Variants in BEND6 observed in about 807,000 individuals in gnomAD.
BEND6 encodes the protein BEN domain-containing protein 6.
Under a neutral mutation model 31.8 loss-of-function variants are expected in BEND6, and 24 were observed. The ratio of observed to expected loss-of-function variants is 0.75; its 90% CI spans 0.55 to 1.06. BEND6 has a LOEUF of 1.06. Ranked by LOEUF, BEND6 falls within the 50% of genes least tolerant of loss-of-function variation. The pLI is 0.00. For synonymous variants in BEND6, 109 were observed against 114.6 expected (o/e 0.95, Z 0.31); for missense variants, 294 against 327.4 (o/e 0.90, Z 0.79).
intron 2 of BEND6, among the ~76,000 whole-genome samples, chr6:56,990,297 CTGTG>C (rs34251486): frequency 0.2 from 28,231 of 142,812 alleles, 2,963 homozygotes; most frequent in Middle Eastern, 0.23. Context: ...GTCTTCCAGG[CTGTG>C]TGTGATGTGA....
rs920278278 is a variant in BEND6, at chr6:57,026,175, C to T, written c.*103C>T. ...GCAGCCTTCCTGGCAGTGAGAAAGA[C>T]AGACATGTGCAGTGACAGGCTGTAA... On this transcript the variant is annotated 3_prime_UTR_variant, in exon 7 of 7. Transcript: ENST00000370746. The T allele has an allele frequency of 6.6e-6, 1 of 152,140 alleles. No individual in the cohort carries two copies. Among genetic ancestry groups the T allele is most frequent in the African/African-American group, 2.4e-5 (1 of 41,410 alleles). 9.4% of individuals were successfully genotyped at this position (152,140 alleles called of 1,614,324 possible). A position where few individuals can be genotyped will look rare whatever the true frequency, so the allele number is the denominator to read the frequency against.
chr6:57,016,434 A>G (rs1162003297), intron 4 of BEND6, among the ~76,000 whole-genome samples: 2 of 152,168 alleles, frequency 1.3e-5, no homozygotes, highest in Non-Finnish European at 2.9e-5. Context: ...TAGCAGGTGC[A>G]TTTCTTTCTG....
chr6:56,979,466 C>T (rs1825995960), intron 1 of BEND6, among the ~76,000 whole-genome samples: 1 of 152,038 alleles, frequency 6.6e-6, no homozygotes, highest in African/African-American at 2.4e-5. Context: ...AAAATTGTAA[C>T]TTCATGGATT....
At chr6:57,011,822 G>C (rs1430087035) in intron 3 of BEND6, among the ~76,000 whole-genome samples, 1 of 151,478 alleles carries the variant, frequency 6.6e-6, no homozygotes, top group Non-Finnish European at 1.5e-5. Context: ...AGTGAGAAAA[G>C]GAGCATTTAA....
intron 6 of BEND6, among the ~76,000 whole-genome samples, chr6:57,023,645 T>A (rs752679082): frequency 2.0e-5 from 3 of 152,224 alleles, no homozygotes; most frequent in Non-Finnish European, 4.4e-5. Flanking sequence ...AGGCAAGGTC[T>A]TACTCTTGTC....
At chr6:57,005,073 A>G (rs957546187) in intron 3 of BEND6, among the ~76,000 whole-genome samples, 3 of 152,230 alleles carry the variant, frequency 2.0e-5, no homozygotes, top group Non-Finnish European at 2.9e-5. Context: ...GGAGGCCTGT[A>G]GGATAGGTAA....
In BEND6 at chr6:57,018,398, G is replaced by T. The variant is rs146779382; in HGVS notation, c.713-23G>T. Reference sequence around the variant, plus strand: ...GCAAAGCACTCATGAAGTTTCTCATGTGTCGCTATTGGTTTTTTACAGGAG... The same window carrying T: ...GCAAAGCACTCATGAAGTTTCTCATTTGTCGCTATTGGTTTTTTACAGGAG... On this transcript the variant is annotated intron_variant, in intron 5 of 6. Transcript: ENST00000370746. The T allele has an allele frequency of 4.4e-6, 7 of 1,574,728 alleles. No individual in the cohort carries two copies. The South Asian group carries it at 8.5e-5, about 19-fold the overall frequency.
Position 56,998,406 on chromosome 6 carries a change from T to C in BEND6, c.298+5851T>C, listed in dbSNP as rs570719205. ...GTGTGTGTGCTATGTGTGTGTGTGTTAAGTATTTAATACATATCTTGTGCA... is the reference window on the plus strand; with the variant it reads ...GTGTGTGTGCTATGTGTGTGTGTGTCAAGTATTTAATACATATCTTGTGCA... On this transcript the variant is annotated intron_variant, in intron 3 of 6. Coordinates refer to ENST00000370746, the MANE Select transcript of BEND6 (RefSeq NM_152731.3). Among the ~76,000 whole-genome samples, 9 of 152,220 alleles carry C rather than the reference T, an allele frequency of 5.9e-5. No individual in the cohort carries two copies. The South Asian group carries it at 1.5e-3, about 25-fold the overall frequency.
intron 1 of BEND6, among the ~76,000 whole-genome samples, chr6:56,976,344 C>T (rs1340502644): frequency 4.0e-5 from 6 of 151,316 alleles, no homozygotes; most frequent in South Asian, 2.1e-4. Flanking sequence ...TACAGGCGCC[C>T]GCCACCATGC....
rs1827641437 is a variant in BEND6, at chr6:57,018,561, A to G, written c.*9+4A>G. The stretch of plus-strand genomic sequence containing the variant: ...GGATATTAAATAGATCCTTTTGGTA[A>G]GTCTTTTAAATCTTCAGTCCTTTCA... On this transcript the variant is annotated splice_donor_region_variant and intron_variant, in intron 6 of 6. Transcript: ENST00000370746. 1.3e-6 allele frequency: 2 copies of G among 1,508,170 alleles called. No homozygotes were observed. The highest frequency in any genetic ancestry group is 1.4e-5 in the African/African-American group (1 of 69,244). 93.4% of individuals were successfully genotyped at this position (1,508,170 alleles called of 1,614,324 possible).
At position 57,026,408 on chromosome 6, in the gene BEND6, C is replaced by T. The variant is rs960627693; in HGVS notation, c.*336C>T. On this transcript the variant is annotated 3_prime_UTR_variant, in exon 7 of 7. Transcript: ENST00000370746. Reference sequence around the variant, plus strand: ...AGTTAATCTAACAGGATAGTCAGAGCTCTTATCATAGCAGCCAAAACTTCA... The same window carrying T: ...AGTTAATCTAACAGGATAGTCAGAGTTCTTATCATAGCAGCCAAAACTTCA... The T allele has an allele frequency of 1.3e-5, 2 of 152,212 alleles. No individual in the cohort carries two copies. Among genetic ancestry groups the T allele is most frequent in the African/African-American group, 4.8e-5 (2 of 41,456 alleles). The allele number at this position is 152,212 out of a possible 1,614,324, so 9.4% of individuals were successfully genotyped here. A position where few individuals can be genotyped will look rare whatever the true frequency, so the allele number is the denominator to read the frequency against.
intron 1 of BEND6, among the ~76,000 whole-genome samples, chr6:56,979,649 G>A (rs1485869404): frequency 6.6e-6 from 1 of 152,146 alleles, no homozygotes; most frequent in Non-Finnish European, 1.5e-5. Flanking sequence ...CTTTTCATTA[G>A]TAAATTTGGC....
chr6:56,963,541 G>A (rs960807953), intron 1 of BEND6, among the ~76,000 whole-genome samples: 95 of 152,192 alleles, frequency 6.2e-4, no homozygotes, highest in African/African-American at 2.1e-3. Flanking sequence ...TTGGTAAAAC[G>A]GCTCCATGGG....
At chr6:57,012,072 C>T (rs1003269224) in intron 3 of BEND6, among the ~76,000 whole-genome samples, 1 of 152,148 alleles carries the variant, frequency 6.6e-6, no homozygotes, top group African/African-American at 2.4e-5. Flanking sequence ...TTGCAGTGAA[C>T]CGAGATCATG....
At chr6:57,017,457 G>A in intron 5 of BEND6, 58 bp downstream of exon 5, 1 of 1,210,264 alleles carries the variant, frequency 8.3e-7, no homozygotes, top group Non-Finnish European at 1.1e-6. Flanking sequence ...TACCACTCAA[G>A]GTCAAGATAG....
chr6:57,025,790 G>A (rs1002166977), intron 6 of BEND6, among the ~76,000 whole-genome samples: 10 of 152,000 alleles, frequency 6.6e-5, no homozygotes, highest in African/African-American at 2.4e-4. Flanking sequence ...GGAGCTTTTC[G>A]TTTTTATTTT....
chr6:57,006,520 C>G (rs1394707631), intron 3 of BEND6, among the ~76,000 whole-genome samples: 1 of 152,138 alleles, frequency 6.6e-6, no homozygotes, highest in African/African-American at 2.4e-5. Context: ...ATTGATATTC[C>G]AAGCTACCTT....
intron 1 of BEND6, among the ~76,000 whole-genome samples, chr6:56,964,935 C>T (rs114147108): frequency 1.8e-3 from 271 of 152,308 alleles, no homozygotes; most frequent in African/African-American, 5.9e-3. Context: ...TTTCCTTGAG[C>T]TTTCTTCTTT....
intron 3 of BEND6, among the ~76,000 whole-genome samples, chr6:57,002,565 T>C (rs1006495577): frequency 3.3e-5 from 5 of 151,768 alleles, no homozygotes; most frequent in Non-Finnish European, 5.9e-5. Flanking sequence ...AGAAGATCTC[T>C]CAAAACCACA....
Sources: gnomAD v4.1 joint callset for allele counts (sites outside exome capture counted in the v4.1 genomes callset) on GRCh38, gnomAD v4.1.1 for gene constraint, MANE v1.5 for transcripts, NCBI Gene and HGNC (gene_info 2026-07-23, HGNC 2026-07-21) for gene names.